The following FOXP1 variants were observed in gnomAD, a reference collection of about 807,000 sequenced individuals.
FOXP1 encodes the protein forkhead box P1.
In FOXP1, 15 loss-of-function variants were observed where a neutral mutation model predicts 98.2. The observed-to-expected ratio is 0.15, with a 90% confidence interval of 0.10 to 0.24. The LOEUF (loss-of-function observed/expected upper bound fraction) is 0.24, where lower values mean the gene tolerates loss of function less well. FOXP1 is among the 10% of genes least tolerant of loss of function. The pLI is 1.00. For synonymous variants in FOXP1, 371 were observed against 314.5 expected (o/e 1.18, Z -1.90); for missense variants, 633 against 848.5 (o/e 0.75, Z 3.15).
intron 17 of FOXP1, among the ~76,000 whole-genome samples, chr3:70,975,881 T>C (rs541557530): frequency 5.3e-5 from 8 of 152,326 alleles, no homozygotes; most frequent in African/African-American, 1.9e-4. Flanking sequence ...TTGAGCCAGC[T>C]GCTGACCTGG....
At chr3:71,473,632 C>T (rs561186284) in intron 3 of FOXP1, among the ~76,000 whole-genome samples, 2 of 151,674 alleles carry the variant, frequency 1.3e-5, no homozygotes, top group Admixed American at 6.6e-5. Flanking sequence ...CGCCACCACC[C>T]GCAAATGAAA....
chr3:71,099,507 A>C (rs1421347879), intron 7 of FOXP1, among the ~76,000 whole-genome samples: 1 of 152,148 alleles, frequency 6.6e-6, no homozygotes, highest in Non-Finnish European at 1.5e-5. Flanking sequence ...TCGAGACTCC[A>C]TCTCAACAAA....
At chr3:70,996,107 C>T (rs748838202) in intron 13 of FOXP1, among the ~76,000 whole-genome samples, 6 of 152,142 alleles carry the variant, frequency 3.9e-5, no homozygotes, top group African/African-American at 7.2e-5. Flanking sequence ...CTGCCTCAGC[C>T]GCCTGTGTAG....
At chr3:71,272,353 G>A (rs1015660664) in intron 5 of FOXP1, among the ~76,000 whole-genome samples, 1 of 152,180 alleles carries the variant, frequency 6.6e-6, no homozygotes, top group Admixed American at 6.5e-5. Flanking sequence ...CAACTTCGAT[G>A]TCCTCCTGAG....
intron 5 of FOXP1, among the ~76,000 whole-genome samples, chr3:71,274,631 T>C (rs1424197383): frequency 6.6e-6 from 1 of 152,176 alleles, no homozygotes; most frequent in Non-Finnish European, 1.5e-5. Context: ...ACTAAAAAAG[T>C]ATTTTCGATA....
At chr3:71,481,287 G>A (rs1207771918) in intron 3 of FOXP1, among the ~76,000 whole-genome samples, 1 of 152,114 alleles carries the variant, frequency 6.6e-6, no homozygotes, top group Non-Finnish European at 1.5e-5. Flanking sequence ...TTAAAGGTGA[G>A]GAAACTGAGG....
chr3:71,180,467 G>A (rs1013391230), intron 6 of FOXP1, among the ~76,000 whole-genome samples: 5 of 151,708 alleles, frequency 3.3e-5, no homozygotes, highest in Admixed American at 6.6e-5. Flanking sequence ...GCAGGCACAA[G>A]AATTTAGCAA....
intron 5 of FOXP1, among the ~76,000 whole-genome samples, chr3:71,266,340 C>G (rs915811024): frequency 3.3e-5 from 5 of 151,964 alleles, no homozygotes; most frequent in Admixed American, 6.6e-5. Context: ...ACCTCTGCCC[C>G]CCAGGTTTAA....
chr3:71,440,039 A>G (rs922181476), intron 3 of FOXP1, among the ~76,000 whole-genome samples: 1 of 152,092 alleles, frequency 6.6e-6, no homozygotes, highest in East Asian at 1.9e-4. Context: ...TAAGCCAGTC[A>G]CAAAAAGACA....
In FOXP1 at chr3:71,143,686, G is replaced by C. The variant is rs1219170572; in HGVS notation, c.181-31049C>G. On this transcript the variant is annotated intron_variant, in intron 6 of 20. Coordinates refer to ENST00000649528, the MANE Select transcript of FOXP1 (RefSeq NM_001349338.3). ...AGATGGGAGGATCGCTTGAGCCCAG[G>C]AGTTAGAGGCCACCCTGGGCAACAT... Among the ~76,000 whole-genome samples, 28 of 152,108 alleles carry C rather than the reference G, an allele frequency of 1.8e-4. 1 individual carries two copies. The highest frequency in any genetic ancestry group is 1.8e-3 in the Admixed American group (28 of 15,272).
rs192913902 is a variant in FOXP1 at position 71,317,786 on chromosome 3, A to G, written c.-72-17906T>C. On this transcript the variant is annotated intron_variant, in intron 4 of 20. Coordinates refer to ENST00000649528, the MANE Select transcript of FOXP1 (RefSeq NM_001349338.3). ...CTGAGTATAACACGTCCCAAAGAAC[A>G]TATGTTCCTGAGGAAGAAAAAAAAC... Among the ~76,000 whole-genome samples, 753 of 152,322 alleles carry G rather than the reference A, an allele frequency of 4.9e-3. 31 individuals carry two copies. Among genetic ancestry groups the G allele is most frequent in the Admixed American group, 0.046 (697 of 15,296 alleles).
intron 19 of FOXP1, chr3:70,970,186 G>T (rs553355805): frequency 1.9e-5 from 3 of 157,028 alleles, no homozygotes; most frequent in African/African-American, 7.2e-5. Context: ...TGAACAATCT[G>T]CAGGAAAACT....
At chr3:71,229,957 T>C (rs570960339) in intron 5 of FOXP1, among the ~76,000 whole-genome samples, 1 of 152,222 alleles carries the variant, frequency 6.6e-6, no homozygotes, top group South Asian at 2.1e-4. Context: ...GTGCCACTTC[T>C]GTCAAGCTCA....
chr3:71,412,096 AC>A (rs1011557686), intron 3 of FOXP1, among the ~76,000 whole-genome samples: 19 of 151,314 alleles, frequency 1.3e-4, no homozygotes, highest in African/African-American at 4.7e-4. Context: ...CCTTGAAATG[AC>A]CTCTGGACAA....
intron 9 of FOXP1, among the ~76,000 whole-genome samples, chr3:71,051,242 T>C (rs1041909362): frequency 1.3e-5 from 2 of 152,186 alleles, no homozygotes; most frequent in South Asian, 2.1e-4. Context: ...TTTTTTATTA[T>C]AGCAGCACCC....
intron 4 of FOXP1, among the ~76,000 whole-genome samples, chr3:71,329,145 C>T (rs912769413): frequency 9.2e-5 from 14 of 152,044 alleles, no homozygotes; most frequent in African/African-American, 3.4e-4. Flanking sequence ...TGCTTGGGTG[C>T]AATGGCTGAC....
At chr3:71,353,094 T>C (rs2077905960) in intron 4 of FOXP1, among the ~76,000 whole-genome samples, 1 of 152,194 alleles carries the variant, frequency 6.6e-6, no homozygotes, top group Admixed American at 6.5e-5. Flanking sequence ...CTGGGAAAGC[T>C]GGCATTAAAA....
intron 3 of FOXP1, among the ~76,000 whole-genome samples, chr3:71,399,475 C>T (rs1390174019): frequency 6.6e-6 from 1 of 152,168 alleles, no homozygotes; most frequent in Non-Finnish European, 1.5e-5. Flanking sequence ...AAATAAGCAG[C>T]TATTTGGGTA....
rs1020603149 is a variant in FOXP1 at position 70,959,087 on chromosome 3, G to C, written c.*160C>G. 2 of 784,416 alleles carry C rather than the reference G, an allele frequency of 2.5e-6. No individual in the cohort carries two copies. Among genetic ancestry groups the C allele is most frequent in the East Asian group, 2.6e-5 (1 of 38,712 alleles). 48.6% of individuals were successfully genotyped at this position (784,416 alleles called of 1,614,324 possible). ...AAAAATACTCCCAAATGGGGTTCTT[G>C]ATGGCACTAAGAGTTAACACATTTC... is the stretch of plus-strand genomic sequence containing the variant. On this transcript the variant is annotated 3_prime_UTR_variant, in exon 21 of 21. Transcript: ENST00000649528.
Sources: allele counts gnomAD v4.1 joint callset (sites outside exome capture counted in the v4.1 genomes callset), GRCh38; gene constraint gnomAD v4.1.1; transcripts MANE v1.5; gene names NCBI Gene and HGNC (gene_info 2026-07-23, HGNC 2026-07-21).